Variants in NTN4 observed in about 807,000 individuals in gnomAD.
NTN4 encodes netrin-4.
In NTN4, 32 loss-of-function variants were observed where a neutral mutation model predicts 73.6. The observed-to-expected ratio is 0.44, with a 90% confidence interval of 0.33 to 0.58. The LOEUF is 0.58. Among genes scored for constraint, NTN4 ranks in the 20% least tolerant of loss-of-function variants. The pLI, the probability that NTN4 is intolerant of heterozygous loss-of-function variation, is 0.04. For missense variants in NTN4, 654 were observed against 798.3 expected, an observed-to-expected ratio of 0.82 and a Z score of 2.18; for synonymous variants, 258 against 287.5, an observed-to-expected ratio of 0.90 and a Z score of 1.04.
intron 2 of NTN4, among the ~76,000 whole-genome samples, chr12:95,753,851 C>T (rs1314322811): frequency 2.0e-5 from 3 of 152,052 alleles, no homozygotes; most frequent in Admixed American, 6.5e-5. Flanking sequence ...CAGTCTCATT[C>T]GACACCAGAC....
chr12:95,733,335 C>A (rs2078752127), intron 3 of NTN4, among the ~76,000 whole-genome samples: 1 of 152,156 alleles, frequency 6.6e-6, no homozygotes, highest in East Asian at 1.9e-4. Context: ...GTTTTCCTTG[C>A]CACAAAACCC....
chr12:95,768,894 G>C (rs1482270062), intron 2 of NTN4, among the ~76,000 whole-genome samples: 1 of 152,144 alleles, frequency 6.6e-6, no homozygotes, highest in Non-Finnish European at 1.5e-5. Flanking sequence ...CTGGCTGAAG[G>C]AGAGAAAGGA....
chr12:95,662,137 T>C (rs2078142492), intron 9 of NTN4, among the ~76,000 whole-genome samples: 1 of 152,064 alleles, frequency 6.6e-6, no homozygotes, highest in African/African-American at 2.4e-5. Flanking sequence ...ACAGAGATGA[T>C]CTCTGGGGGA....
At chr12:95,741,673 A>C (rs2078828120) in intron 2 of NTN4, among the ~76,000 whole-genome samples, 1 of 148,788 alleles carries the variant, frequency 6.7e-6, no homozygotes, top group Non-Finnish European at 1.5e-5. Context: ...TAAACTTTAT[A>C]ATAGCACAGT....
At position 95,746,392 on chromosome 12, in the gene NTN4, C is replaced by T. The variant is rs552440313; in HGVS notation, c.586-8248G>A. On this transcript the variant is annotated intron_variant, in intron 2 of 9. Transcript: ENST00000343702. Reference sequence around the variant, plus strand: ...GTAAAGTTGTTTTAACTAGACCCCCCCCTCCCCTTTCTAAACCAAAGTATA... The same window carrying T: ...GTAAAGTTGTTTTAACTAGACCCCCTCCTCCCCTTTCTAAACCAAAGTATA... 8.3e-3 allele frequency among the ~76,000 whole-genome samples: 1,265 copies of T among 152,166 alleles called. 21 individuals are homozygous for T. The highest frequency in any genetic ancestry group is 0.03 in the African/African-American group (1,228 of 41,494).
At chr12:95,760,843 A>T (rs1320649382) in intron 2 of NTN4, among the ~76,000 whole-genome samples, 2 of 152,174 alleles carry the variant, frequency 1.3e-5, no homozygotes, top group Non-Finnish European at 2.9e-5. Flanking sequence ...GTCAGAAGTG[A>T]GACAAAAGGA....
At chr12:95,757,581 G>T (rs913542013) in intron 2 of NTN4, among the ~76,000 whole-genome samples, 3 of 152,010 alleles carry the variant, frequency 2.0e-5, no homozygotes, top group East Asian at 3.9e-4. Flanking sequence ...GAACAGCCAC[G>T]TGTGAGAGGC....
intron 5 of NTN4, among the ~76,000 whole-genome samples, chr12:95,684,577 G>A (rs951430858): frequency 4.6e-5 from 7 of 152,020 alleles, no homozygotes; most frequent in African/African-American, 1.4e-4. Flanking sequence ...TAAGTGCTGG[G>A]GCTACAGGCG....
At chr12:95,674,162 C>CAA (rs35764079) in intron 7 of NTN4, among the ~76,000 whole-genome samples, 39 of 146,790 alleles carry the variant, frequency 2.7e-4, no homozygotes, top group Middle Eastern at 3.5e-3. Flanking sequence ...GAGACTCTGC[C>CAA]AAAAAAAAAA....
chr12:95,723,893 G>A (rs542156891), intron 3 of NTN4, among the ~76,000 whole-genome samples: 14 of 152,216 alleles, frequency 9.2e-5, no homozygotes, highest in Admixed American at 5.2e-4. Context: ...TTACTGGCCT[G>A]TCATTCATTA....
At chr12:95,748,076 G>A (rs1040618099) in intron 2 of NTN4, among the ~76,000 whole-genome samples, 2 of 151,414 alleles carry the variant, frequency 1.3e-5, no homozygotes, top group Admixed American at 1.3e-4. Flanking sequence ...CTAAAAATAC[G>A]AAACATTAGC....
At chr12:95,683,205 G>A (rs995686893) in intron 6 of NTN4, among the ~76,000 whole-genome samples, 3 of 152,220 alleles carry the variant, frequency 2.0e-5, no homozygotes, top group East Asian at 1.9e-4. Flanking sequence ...GATTACTGGT[G>A]CCTACCACTA....
At chr12:95,728,584 T>A (rs553272547) in intron 3 of NTN4, among the ~76,000 whole-genome samples, 10 of 152,240 alleles carry the variant, frequency 6.6e-5, no homozygotes, top group Non-Finnish European at 1.3e-4. Context: ...CTGTTCAGCC[T>A]ATGGAAATAC....
In NTN4 at chr12:95,693,136, C is replaced by T. The variant is rs756374985; in HGVS notation, c.1181-9425G>A. On this transcript the variant is annotated intron_variant, in intron 5 of 9. Transcript: ENST00000343702. The stretch of plus-strand genomic sequence containing the variant: ...GGTTAACATGAACTATGCTAGGGGC[C>T]GAAGATACAAAGATGACTACAAAAA... Among the ~76,000 whole-genome samples the T allele has an allele frequency of 6.6e-5, 10 of 151,644 alleles. No homozygotes were observed. The East Asian group carries it at 9.7e-4, about 15-fold the overall frequency.
intron 2 of NTN4, among the ~76,000 whole-genome samples, chr12:95,782,775 G>A (rs1024733754): frequency 6.6e-6 from 1 of 152,144 alleles, no homozygotes; most frequent in African/African-American, 2.4e-5. Context: ...TTTGAATAGA[G>A]TTCTTTTAAT....
rs1366206488 is a variant in NTN4, at chr12:95,683,481, G to C, written c.1394+17C>G. 4.4e-6 allele frequency: 7 copies of C among 1,608,462 alleles called. No homozygotes were observed. In the African/African-American group the frequency reaches 8.0e-5, roughly 18 times the overall value. ...CTGAAATACATGCAGCTGAGAGCAA[G>C]AGCCTTGCACATTCACCTGCTGATG... On this transcript the variant is annotated intron_variant, in intron 6 of 9. Coordinates refer to ENST00000343702, the MANE Select transcript of NTN4 (RefSeq NM_021229.4).
At chr12:95,776,168 C>G (rs181358288) in intron 2 of NTN4, among the ~76,000 whole-genome samples, 1 of 152,124 alleles carries the variant, frequency 6.6e-6, no homozygotes, top group Non-Finnish European at 1.5e-5. Flanking sequence ...TGTACATCAC[C>G]ATCATCAAAG....
In NTN4 at chr12:95,781,632, T is replaced by C. The variant is rs2079133646; in HGVS notation, c.585+5307A>G. 1.3e-5 allele frequency among the ~76,000 whole-genome samples: 2 copies of C among 152,210 alleles called. No individual in the cohort carries two copies. The highest frequency in any genetic ancestry group is 4.1e-4 in the South Asian group (2 of 4,832). On this transcript the variant is annotated intron_variant, in intron 2 of 9. Coordinates refer to ENST00000343702, the MANE Select transcript of NTN4 (RefSeq NM_021229.4). The surrounding 1 kb of genome is among the most constrained non-coding windows in gnomAD (Gnocchi z 4.1). ...CTTAAAAGTTGGAAGAAAAAAGTTGTTAAGCTTGATTCTCTCATCTTACCA... is the reference window on the plus strand; with the variant it reads ...CTTAAAAGTTGGAAGAAAAAAGTTGCTAAGCTTGATTCTCTCATCTTACCA...
chr12:95,666,871 A>G (rs2078184455), intron 8 of NTN4, among the ~76,000 whole-genome samples: 1 of 152,204 alleles, frequency 6.6e-6, no homozygotes, highest in South Asian at 2.1e-4. Flanking sequence ...CAACCTCTTG[A>G]CTTCCCTGGG....
Sources: allele counts gnomAD v4.1 joint callset (sites outside exome capture counted in the v4.1 genomes callset), GRCh38; gene constraint gnomAD v4.1.1; non-coding constraint Gnocchi (gnomAD v3.1); transcripts MANE v1.5; gene names NCBI Gene and HGNC (gene_info 2026-07-23, HGNC 2026-07-21).